The following CPQ variants were observed in gnomAD, a reference collection of about 807,000 sequenced individuals.
CPQ encodes the protein carboxypeptidase Q.
CPQ carries 37 observed loss-of-function variants against 45.7 expected under a neutral mutation model. The observed-to-expected ratio is 0.81, with a 90% CI of 0.62 to 1.07. CPQ has a LOEUF of 1.07. Ranked by LOEUF, CPQ falls within the 50% of genes least tolerant of loss-of-function variation. CPQ has a pLI of 0.00. For synonymous variants in CPQ, 186 were observed against 205.8 expected (o/e 0.90, Z 0.82); for missense variants, 537 against 572.9 (o/e 0.94, Z 0.64).
At chr8:96,981,507 C>A (rs565900002) in intron 5 of CPQ, among the ~76,000 whole-genome samples, 1 of 152,256 alleles carries the variant, frequency 6.6e-6, no homozygotes, top group African/African-American at 2.4e-5. Flanking sequence ...GTGCTTCATA[C>A]TGGAATTTAC....
At chr8:96,993,455 G>A (rs1377250770) in intron 5 of CPQ, among the ~76,000 whole-genome samples, 10 of 152,028 alleles carry the variant, frequency 6.6e-5, no homozygotes, top group Admixed American at 6.6e-4. Flanking sequence ...CCATATTTCT[G>A]TAAATTTTAA....
chr8:96,864,446 G>T (rs1811970612), intron 3 of CPQ, among the ~76,000 whole-genome samples: 1 of 152,056 alleles, frequency 6.6e-6, no homozygotes, highest in South Asian at 2.1e-4. Context: ...CAGAGATGAT[G>T]ATTTATGTGG....
At chr8:96,960,534 G>A (rs1813441416) in intron 4 of CPQ, among the ~76,000 whole-genome samples, 1 of 152,068 alleles carries the variant, frequency 6.6e-6, no homozygotes. Context: ...GTTCAATCTA[G>A]AGAATAGTAA....
At chr8:96,775,657 C>T (rs928825777) in intron 1 of CPQ, among the ~76,000 whole-genome samples, 4 of 152,108 alleles carry the variant, frequency 2.6e-5, no homozygotes, top group African/African-American at 4.8e-5. Flanking sequence ...ATTTTGTATT[C>T]GTATACACAA....
At chr8:97,112,161 T>A (rs982935892) in intron 7 of CPQ, among the ~76,000 whole-genome samples, 4 of 133,740 alleles carry the variant, frequency 3.0e-5, no homozygotes, top group African/African-American at 9.1e-5. Context: ...ATTTTTTTTT[T>A]ATTTTTTTTT....
intron 7 of CPQ, among the ~76,000 whole-genome samples, chr8:97,109,295 G>A (rs1356634745): frequency 1.3e-5 from 2 of 152,118 alleles, no homozygotes; most frequent in African/African-American, 2.4e-5. Context: ...ATACAACTCA[G>A]AATTGCTTCA....
chr8:96,682,322 G>A (rs1286575451), intron 1 of CPQ, among the ~76,000 whole-genome samples: 1 of 152,268 alleles, frequency 6.6e-6, no homozygotes, highest in East Asian at 1.9e-4. Flanking sequence ...ACTCACTCGT[G>A]ATAGTGAGTA....
chr8:96,678,148 G>C (rs560904081), intron 1 of CPQ, among the ~76,000 whole-genome samples: 1 of 151,832 alleles, frequency 6.6e-6, no homozygotes, highest in Non-Finnish European at 1.5e-5. Flanking sequence ...TGCGTTAGCT[G>C]TGAGGCCCCT....
At chr8:96,703,560 A>G (rs1289089796) in intron 1 of CPQ, among the ~76,000 whole-genome samples, 2 of 152,184 alleles carry the variant, frequency 1.3e-5, no homozygotes, top group Non-Finnish European at 2.9e-5. Flanking sequence ...TAAGTAAGCC[A>G]TATAACCTAT....
chr8:96,984,236 T>A (rs1054754844), intron 5 of CPQ, among the ~76,000 whole-genome samples: 3 of 152,210 alleles, frequency 2.0e-5, no homozygotes, highest in African/African-American at 7.2e-5. Flanking sequence ...GTGTTTTAGT[T>A]ATGCCTTGTT....
At chr8:97,103,577 G>C (rs1342097121) in intron 7 of CPQ, among the ~76,000 whole-genome samples, 1 of 152,104 alleles carries the variant, frequency 6.6e-6, no homozygotes, top group African/African-American at 2.4e-5. Context: ...CAACCTGATG[G>C]CTAGCTGGGT....
At chr8:97,086,937 A>C (rs1358938578) in intron 7 of CPQ, among the ~76,000 whole-genome samples, 1 of 152,208 alleles carries the variant, frequency 6.6e-6, no homozygotes, top group East Asian at 1.9e-4. Context: ...AAAAGAAAAG[A>C]AAGCCACCTC....
At chr8:97,135,737 G>A (rs1812045047) in intron 7 of CPQ, among the ~76,000 whole-genome samples, 1 of 152,090 alleles carries the variant, frequency 6.6e-6, no homozygotes, top group African/African-American at 2.4e-5. Flanking sequence ...GTTTATAAAA[G>A]GAGAAATGGA....
intron 7 of CPQ, among the ~76,000 whole-genome samples, chr8:97,137,796 G>A (rs1475441348): frequency 6.6e-6 from 1 of 152,142 alleles, no homozygotes; most frequent in East Asian, 1.9e-4. Context: ...GGGCGTGGTG[G>A]CAGGCGCCTG....
intron 5 of CPQ, among the ~76,000 whole-genome samples, chr8:96,966,473 A>G (rs960926734): frequency 6.6e-6 from 1 of 152,248 alleles, no homozygotes; most frequent in Non-Finnish European, 1.5e-5. Context: ...ACCTAGATAG[A>G]AAGAATGATT....
chr8:96,929,910 A>G (rs1368414917), intron 4 of CPQ, among the ~76,000 whole-genome samples: 1 of 152,184 alleles, frequency 6.6e-6, no homozygotes, highest in Non-Finnish European at 1.5e-5. Context: ...TCTGTGTACT[A>G]AGAACTCAAG....
intron 1 of CPQ, among the ~76,000 whole-genome samples, chr8:96,700,561 A>AT (rs1210298725): frequency 6.6e-6 from 1 of 151,654 alleles, no homozygotes; most frequent in Non-Finnish European, 1.5e-5. Context: ...AGTAAACTGC[A>AT]TGCACCTTCT....
At position 97,115,184 on chromosome 8, in the gene CPQ, GC is replaced by G. The variant is rs1811563484; in HGVS notation, c.1256-27833del. Among the ~76,000 whole-genome samples, 3 of 152,312 alleles carry G rather than the reference GC, an allele frequency of 2.0e-5. No homozygotes were observed. In the South Asian group the frequency reaches 6.2e-4, roughly 32 times the overall value. ...AGAAGAGACCAAGTGCCCTAAAGAT[GC>G]CCTGGGTGCCTCTTCTATTGCACAA... is the stretch of plus-strand genomic sequence containing the variant. On this transcript the variant is annotated intron_variant, in intron 7 of 7. Transcript: ENST00000220763.
At chr8:97,083,403 C>T (rs753377099) in intron 7 of CPQ, among the ~76,000 whole-genome samples, 9 of 152,136 alleles carry the variant, frequency 5.9e-5, no homozygotes, top group Non-Finnish European at 1.3e-4. Context: ...TCTTAGCATA[C>T]TTACTTTGTG....
Sources: gnomAD v4.1 joint callset for allele counts (sites outside exome capture counted in the v4.1 genomes callset) on GRCh38, gnomAD v4.1.1 for gene constraint, MANE v1.5 for transcripts, NCBI Gene and HGNC (gene_info 2026-07-23, HGNC 2026-07-21) for gene names.